Variants in PRKDC observed in about 807,000 individuals in gnomAD.
PRKDC encodes protein kinase, DNA-activated, catalytic subunit.
In PRKDC, 82 loss-of-function variants were observed where a neutral mutation model predicts 486.9. The observed-to-expected ratio is 0.17, with a 90% confidence interval of 0.14 to 0.20. PRKDC has a LOEUF of 0.20. Among genes scored for constraint, PRKDC ranks in the 10% least tolerant of loss-of-function variants. PRKDC has a pLI of 1.00. For missense variants in PRKDC, 4,504 were observed against 5,038.2 expected, an observed-to-expected ratio of 0.89 and a Z score of 3.21; for synonymous variants, 1,895 against 1,837.0, an observed-to-expected ratio of 1.03 and a Z score of -0.81.
intron 25 of PRKDC, among the ~76,000 whole-genome samples, chr8:47,909,002 G>A (rs942418358): frequency 6.6e-6 from 1 of 152,092 alleles, no homozygotes; most frequent in African/African-American, 2.4e-5. Flanking sequence ...TATTAGTCCA[G>A]TTTCACCAAG....
intron 40 of PRKDC, 91 bp from the exon 41 acceptor site, chr8:47,864,854 G>T: frequency 9.0e-7 from 1 of 1,117,300 alleles, no homozygotes; most frequent in South Asian, 2.0e-5. Context: ...GTAAACACCA[G>T]TGATTACAAA....
At chr8:47,890,611 A>G (rs2089437857) in intron 31 of PRKDC, 131 bp from the exon 32 acceptor site, 2 of 595,186 alleles carry the variant, frequency 3.4e-6, no homozygotes, top group African/African-American at 1.8e-5. Context: ...AAAAGAAACA[A>G]ACAGCTTAAT....
At chr8:47,850,819 AT>A (rs945247921) in intron 52 of PRKDC, among the ~76,000 whole-genome samples, 4 of 151,778 alleles carry the variant, frequency 2.6e-5, no homozygotes, top group South Asian at 4.2e-4. Flanking sequence ...ACTTCTTTTT[AT>A]TTTTTTTGAG....
At chr8:47,872,876 T>A (rs1054273672) in intron 40 of PRKDC, among the ~76,000 whole-genome samples, 2 of 152,124 alleles carry the variant, frequency 1.3e-5, no homozygotes, top group Non-Finnish European at 2.9e-5. Flanking sequence ...ATTGGACAGA[T>A]CTTCCAAACA....
chr8:47,873,984 ATTTTTT>A (rs1200890690), intron 40 of PRKDC, among the ~76,000 whole-genome samples: 1 of 130,136 alleles, frequency 7.7e-6, no homozygotes, highest in Non-Finnish European at 1.6e-5. Context: ...GTATTTTGCT[ATTTTTT>A]TTTTTTTTTT....
chr8:47,784,260 A>G, intron 77 of PRKDC: 1 of 157,886 alleles, frequency 6.3e-6, no homozygotes, highest in Non-Finnish European at 1.4e-5. Context: ...TCCATCGCAA[A>G]AAAAAAAAAA....
intron 50 of PRKDC, among the ~76,000 whole-genome samples, chr8:47,854,942 C>G (rs980811424): frequency 6.6e-6 from 1 of 152,146 alleles, no homozygotes; most frequent in African/African-American, 2.4e-5. Flanking sequence ...CAAATCCTAC[C>G]TACCTCCCAC....
chr8:47,871,126 C>T (rs1460252176), intron 40 of PRKDC, among the ~76,000 whole-genome samples: 1 of 152,112 alleles, frequency 6.6e-6, no homozygotes, highest in Non-Finnish European at 1.5e-5. Flanking sequence ...ACTTACTGGT[C>T]TTAAAGAAAA....
chr8:47,803,793 T>A (rs1378998160), intron 69 of PRKDC, among the ~76,000 whole-genome samples: 6 of 152,008 alleles, frequency 3.9e-5, no homozygotes, highest in African/African-American at 9.7e-5. Context: ...CTAAAAAATT[T>A]AAAAAATTAG....
At chr8:47,860,691 C>A (rs189073265) in intron 45 of PRKDC, among the ~76,000 whole-genome samples, 1 of 152,342 alleles carries the variant, frequency 6.6e-6, no homozygotes, top group Non-Finnish European at 1.5e-5. Context: ...TTCTATGCAG[C>A]TAAGTTTAGC....
intron 70 of PRKDC, among the ~76,000 whole-genome samples, chr8:47,802,545 C>T (rs1390746572): frequency 1.2e-4 from 18 of 145,978 alleles, no homozygotes; most frequent in Non-Finnish European, 2.2e-4. Flanking sequence ...TGCAGTGGCG[C>T]GATTTTGGCT....
chr8:47,939,970 A>AG, intron 10 of PRKDC: 1 of 224,348 alleles, frequency 4.5e-6, no homozygotes. Flanking sequence ...AAAAAAAAAA[A>AG]CCAAAAACAG....
chr8:47,900,438 A>G lies in PRKDC; in HGVS notation c.3299T>C (p.Val1100Ala), dbSNP rs759696067. The change falls in exon 28 of 86, where the codon GTG (valine) becomes GCG (alanine). Residue 1100 changes from valine (V) to alanine (A), a missense_variant. Val to Ala is a moderately conservative substitution (Grantham distance 64). This residue lies in a region of PRKDC where 1,969 missense variants were observed against 2,068.9 expected (regional missense o/e 0.95). Transcript: ENST00000314191. ...CATGTATATCACCAAGGCTTCAAAC[A>G]CAAACTGTTCCACCAGAGACTCTTC... is the stretch of plus-strand genomic sequence containing the variant. ...REEESLVEQF[V>A]FEALVIYMES... 2 of 1,611,258 alleles carry G rather than the reference A, an allele frequency of 1.2e-6. No individual in the cohort carries two copies. Among genetic ancestry groups the G allele is most frequent in the East Asian group, 2.2e-5 (1 of 44,866 alleles).
intron 41 of PRKDC, 112 bp from the exon 42 acceptor site, chr8:47,863,689 G>T: frequency 2.3e-6 from 2 of 885,134 alleles, no homozygotes; most frequent in Non-Finnish European, 3.3e-6. Context: ...AATTTTAACA[G>T]TCAAAAATGC....
Position 47,952,830 on chromosome 8 carries a change from C to T in PRKDC, c.721+790G>A, listed in dbSNP as rs189039305. 1.8e-4 allele frequency among the ~76,000 whole-genome samples: 28 copies of T among 152,018 alleles called. No homozygotes were observed. The East Asian group carries it at 5.0e-3, about 27-fold the overall frequency. ...AACAGCCTGGCCAACATGGTGAAACCCCATCTCTACTAAAAATACAAAAAT... is the reference window on the plus strand; with the variant it reads ...AACAGCCTGGCCAACATGGTGAAACTCCATCTCTACTAAAAATACAAAAAT... On this transcript the variant is annotated intron_variant, in intron 7 of 85. Coordinates refer to ENST00000314191, the MANE Select transcript of PRKDC (RefSeq NM_006904.7).
intron 40 of PRKDC, among the ~76,000 whole-genome samples, chr8:47,870,300 T>G (rs2088920776): frequency 6.6e-6 from 1 of 152,096 alleles, no homozygotes. Context: ...GCTACAGAGG[T>G]GCTCATATTA....
chr8:47,905,920 TC>T (rs1216055775), intron 25 of PRKDC, among the ~76,000 whole-genome samples: 1 of 152,190 alleles, frequency 6.6e-6, no homozygotes, highest in Non-Finnish European at 1.5e-5. Context: ...GCTCCTGTCT[TC>T]CTGGAGGCTT....
At chr8:47,856,839 T>C (rs1329677101) in intron 49 of PRKDC, among the ~76,000 whole-genome samples, 2 of 152,224 alleles carry the variant, frequency 1.3e-5, no homozygotes, top group East Asian at 1.9e-4. Context: ...TCAGGGTTGG[T>C]TGAAATTCAG....
chr8:47,866,190 A>C (rs2088808223), intron 40 of PRKDC, among the ~76,000 whole-genome samples: 1 of 149,952 alleles, frequency 6.7e-6, no homozygotes, highest in Non-Finnish European at 1.5e-5. Context: ...GAGGCCCTAG[A>C]GAGTTCTTTG....
Sources: allele counts gnomAD v4.1 joint callset (sites outside exome capture counted in the v4.1 genomes callset), GRCh38; gene constraint gnomAD v4.1.1; regional missense constraint gnomAD v4.1.1; transcripts MANE v1.5; gene names NCBI Gene and HGNC (gene_info 2026-07-23, HGNC 2026-07-21).